Variants in CDC42BPB observed in about 807,000 individuals in gnomAD.
CDC42BPB encodes the protein serine/threonine-protein kinase MRCK beta.
A neutral mutation model predicts 214.9 loss-of-function variants in CDC42BPB; 37 were observed. That is an observed-to-expected ratio of 0.17 (90% CI 0.13 to 0.23). CDC42BPB has a LOEUF of 0.23. Among genes scored for constraint, CDC42BPB ranks in the 10% least tolerant of loss-of-function variants. CDC42BPB has a pLI of 1.00. For missense variants in CDC42BPB, 1,694 were observed against 2,227.0 expected (o/e 0.76, Z 4.82); for synonymous variants, 931 against 884.0 (o/e 1.05, Z -0.94).
In CDC42BPB at chr14:102,964,645, C is replaced by A. The variant is rs142014338; in HGVS notation, c.2583G>T (p.Pro861=). 9.3e-6 allele frequency: 15 copies of A among 1,610,682 alleles called. No individual in the cohort carries two copies. Among genetic ancestry groups the A allele is most frequent in the African/African-American group, 8.0e-5 (6 of 74,828 alleles). The change falls in exon 19 of 37, where the codon CCG becomes CCT. Residue 861 remains proline (P), a synonymous_variant. Coordinates refer to ENST00000361246, the MANE Select transcript of CDC42BPB (RefSeq NM_006035.4). ...TCTGGCTGCGGCGCACCTTCCACAG[C>A]GGGTCCTTGAGACACGGTCATGGCG... ...SSSLGSRTLD[P]LWKVRRSQKL...
At chr14:103,037,226 G>C (rs555174431) in intron 1 of CDC42BPB, among the ~76,000 whole-genome samples, 2 of 152,302 alleles carry the variant, frequency 1.3e-5, no homozygotes, top group African/African-American at 4.8e-5. Context: ...AAACTCGGGG[G>C]AAGGAGACTT....
At chr14:103,035,346 C>T (rs546983254) in intron 1 of CDC42BPB, among the ~76,000 whole-genome samples, 8 of 152,172 alleles carry the variant, frequency 5.3e-5, no homozygotes, top group South Asian at 4.1e-4. Flanking sequence ...TGTGAGCCAC[C>T]GCGCCCAGCT....
chr14:102,999,490 T>C (rs1894883976), intron 5 of CDC42BPB, 75 bp downstream of exon 5: 8 of 1,503,024 alleles, frequency 5.3e-6, no homozygotes, highest in South Asian at 2.3e-5. Flanking sequence ...TGGGACGGCC[T>C]GGACTTGGGA....
chr14:102,953,841 C>G (rs34292813), intron 23 of CDC42BPB, among the ~76,000 whole-genome samples: 11 of 152,280 alleles, frequency 7.2e-5, no homozygotes, highest in Admixed American at 2.0e-4. Flanking sequence ...GTAAGGTTCT[C>G]TAAGTGCAGG....
intron 16 of CDC42BPB, 122 bp from the exon 17 acceptor site, chr14:102,967,292 C>A: frequency 7.0e-7 from 1 of 1,423,750 alleles, no homozygotes. Context: ...TGAGATTTTT[C>A]CAAACTAAGT....
intron 23 of CDC42BPB, among the ~76,000 whole-genome samples, chr14:102,953,549 A>G (rs1892582885): frequency 6.6e-6 from 1 of 152,234 alleles, no homozygotes; most frequent in Non-Finnish European, 1.5e-5. Flanking sequence ...CTACATTAAC[A>G]ACAACAAAAA....
At chr14:102,967,700 T>C (rs752226651) in intron 16 of CDC42BPB, among the ~76,000 whole-genome samples, 5 of 132,716 alleles carry the variant, frequency 3.8e-5, no homozygotes, top group Non-Finnish European at 7.1e-5. Flanking sequence ...ACAGAAGAGG[T>C]AGAGTAAAGT....
At chr14:103,038,094 T>C (rs1463173831) in intron 1 of CDC42BPB, among the ~76,000 whole-genome samples, 1 of 151,442 alleles carries the variant, frequency 6.6e-6, no homozygotes, top group East Asian at 1.9e-4. Flanking sequence ...CCCAGCACTT[T>C]GGGAGGCCGA....
intron 4 of CDC42BPB, among the ~76,000 whole-genome samples, chr14:103,000,170 T>C (rs1216404561): frequency 6.6e-6 from 1 of 152,116 alleles, no homozygotes; most frequent in African/African-American, 2.4e-5. Flanking sequence ...AAAGATTATA[T>C]CATAAAAGAG....
intron 5 of CDC42BPB, among the ~76,000 whole-genome samples, chr14:102,996,368 G>C (rs1444907366): frequency 6.6e-6 from 1 of 152,014 alleles, no homozygotes; most frequent in African/African-American, 2.4e-5. Context: ...AGAATGAGGA[G>C]AACGCTTTCT....
chr14:102,986,337 C>T, intron 6 of CDC42BPB, 150 bp downstream of exon 6: 1 of 574,688 alleles, frequency 1.7e-6, no homozygotes, highest in South Asian at 2.2e-5. Context: ...ACAAAACTCC[C>T]CAAACAGAAA....
At chr14:102,938,629 T>C in intron 34 of CDC42BPB, 1 of 907,670 alleles carries the variant, frequency 1.1e-6, no homozygotes, top group Non-Finnish European at 1.3e-6. Context: ...AAAGCGTACT[T>C]TTTTTGTTTG....
intron 20 of CDC42BPB, 141 bp from the exon 21 acceptor site, chr14:102,959,851 A>AG: frequency 7.6e-7 from 1 of 1,315,242 alleles, no homozygotes; most frequent in East Asian, 2.9e-5. Flanking sequence ...AAAAAAAAAA[A>AG]AAAAAAAAAG....
intron 1 of CDC42BPB, among the ~76,000 whole-genome samples, chr14:103,026,744 T>A (rs902166988): frequency 6.6e-6 from 1 of 151,814 alleles, no homozygotes; most frequent in Non-Finnish European, 1.5e-5. Context: ...GGCGGGTGCC[T>A]GTAGTCCCAG....
At chr14:102,969,825 A>G (rs1161546293) in intron 14 of CDC42BPB, among the ~76,000 whole-genome samples, 1 of 152,274 alleles carries the variant, frequency 6.6e-6, no homozygotes, top group Non-Finnish European at 1.5e-5. Flanking sequence ...CACCGAATTT[A>G]GAATACCACG....
At position 102,964,531 on chromosome 14, in the gene CDC42BPB, C is replaced by T. The variant is rs199759230; in HGVS notation, c.2697G>A (p.Lys899=). The change falls in exon 19 of 37, where the codon AAG becomes AAA. Residue 899 remains lysine, a synonymous_variant. Transcript: ENST00000361246. ...CCAAGGTGAGGTTGGCGTCCTTGAC[C>T]TTCCTGAGCTCCTCCTGGACAAGCT... is the stretch of plus-strand genomic sequence containing the variant. ...AKQLVQEELR[K]VKDANLTLES... is the part of the protein sequence containing the mutation. 6.2e-7 allele frequency: 1 copy of T among 1,613,866 alleles called. No individual in the cohort carries two copies. Among genetic ancestry groups the T allele is most frequent in the African/African-American group, 1.3e-5 (1 of 75,068 alleles).
intron 24 of CDC42BPB, among the ~76,000 whole-genome samples, chr14:102,951,704 T>C (rs1301861506): frequency 6.6e-6 from 1 of 152,164 alleles, no homozygotes; most frequent in East Asian, 1.9e-4. Flanking sequence ...GGAGAATCAC[T>C]TGAATCTGGG....
chr14:102,975,816 G>C lies in CDC42BPB; in HGVS notation c.1388-13C>G. 6.2e-7 allele frequency: 1 copy of C among 1,614,170 alleles called. No homozygotes were observed. The highest frequency in any genetic ancestry group is 8.5e-7 in the Non-Finnish European group (1 of 1,180,012). ...GTCTGGGTGGACTCTGAGGGATGGAGAGACAGCGTGAGGTGCAGCCTGGCC... is the reference window on the plus strand; with the variant it reads ...GTCTGGGTGGACTCTGAGGGATGGACAGACAGCGTGAGGTGCAGCCTGGCC... On this transcript the variant is annotated splice_polypyrimidine_tract_variant and intron_variant, in intron 10 of 36. Transcript: ENST00000361246.
At chr14:103,021,562 A>G (rs1008593797) in intron 1 of CDC42BPB, among the ~76,000 whole-genome samples, 2 of 152,092 alleles carry the variant, frequency 1.3e-5, no homozygotes, top group African/African-American at 4.8e-5. Context: ...GCGTGCCTGC[A>G]GTCCCAGCTA....
Sources: allele counts gnomAD v4.1 joint callset (sites outside exome capture counted in the v4.1 genomes callset), GRCh38; gene constraint gnomAD v4.1.1; transcripts MANE v1.5; gene names NCBI Gene and HGNC (gene_info 2026-07-23, HGNC 2026-07-21).